Variants in MID1 observed in about 807,000 individuals in gnomAD.
The protein encoded by MID1 is midline 1.
In MID1, 7 loss-of-function variants were observed where a neutral mutation model predicts 40.4. The ratio of observed to expected loss-of-function variants is 0.17; its 90% CI spans 0.10 to 0.33. The LOEUF (loss-of-function observed/expected upper bound fraction) is 0.33. Among genes scored for constraint, MID1 ranks in the 10% least tolerant of loss-of-function variants. The probability of loss-of-function intolerance (pLI) is 1.00; values close to 1 mark genes in which losing one functional copy is unlikely to be tolerated. For synonymous variants in MID1, 229 were observed against 221.2 expected (o/e 1.04, Z -0.31); for missense variants, 367 against 558.5 (o/e 0.66, Z 3.46).
chrX:10,685,115 A>G (rs2043086055), intron 1 of MID1, among the ~76,000 whole-genome samples: 1 of 111,896 alleles, frequency 8.9e-6, no homozygotes, highest in Non-Finnish European at 1.9e-5. Flanking sequence ...TCTTTTTAAA[A>G]CTAAATATCA....
chrX:10,488,438 T>C (rs1238398384), intron 4 of MID1, among the ~76,000 whole-genome samples: 1 of 112,438 alleles, frequency 8.9e-6, no homozygotes, highest in Non-Finnish European at 1.9e-5. Context: ...TGAGAGGCTC[T>C]GGTTCCTTCA....
In MID1 at chrX:10,505,261, C is replaced by A. The variant is rs186929243; in HGVS notation, c.757-9570G>T. The A allele has an allele frequency of 5.1e-4, 300 of 582,538 alleles. 1 individual carries two copies. In the African/African-American group the frequency reaches 6.8e-3, roughly 13 times the overall value. 48.0% of individuals were successfully genotyped at this position (582,538 alleles called of 1,213,427 possible). ...GTCACAATTATAATAAATGTTACTCCTTCTGTAATGTTTTTCCTAGGCTAC... is the reference window on the plus strand; with the variant it reads ...GTCACAATTATAATAAATGTTACTCATTCTGTAATGTTTTTCCTAGGCTAC... On this transcript the variant is annotated intron_variant, in intron 3 of 9. Coordinates refer to ENST00000317552, the MANE Select transcript of MID1 (RefSeq NM_000381.4).
intron 1 of MID1, among the ~76,000 whole-genome samples, chrX:10,757,432 C>T (rs187029659): frequency 2.0e-4 from 22 of 111,941 alleles, no homozygotes; most frequent in African/African-American, 6.5e-4. Context: ...TTTTCCAAAG[C>T]GGGGTTTAAA....
At chrX:10,482,366 TG>T in intron 5 of MID1, 113 bp downstream of exon 5, 1 of 812,257 alleles carries the variant, frequency 1.2e-6, no homozygotes, top group Non-Finnish European at 1.8e-6. Context: ...CTATTCTCTC[TG>T]GTACTGAGCC....
At chrX:10,722,280 A>T in intron 1 of MID1, among the ~76,000 whole-genome samples, 1 of 112,138 alleles carries the variant, frequency 8.9e-6, no homozygotes, top group Non-Finnish European at 1.9e-5. Context: ...TATTATAAAG[A>T]CACGGCAAAT....
Position 10,723,934 on chromosome X carries a change from G to A in MID1, c.-186-103515C>T, listed in dbSNP as rs766414292. Among the ~76,000 whole-genome samples the A allele has an allele frequency of 2.7e-5, 3 of 112,662 alleles. No individual in the cohort carries two copies. In the East Asian group the frequency reaches 8.4e-4, roughly 31 times the overall value. On this transcript the variant is annotated intron_variant, in intron 1 of 10. Coordinates refer to the MID1 transcript ENST00000380785. ...TTAAAGTAGCTAAAAAATAACTAAA[G>A]GGCAGTAAAAGGAGACTGTAGCCAT...
intron 1 of MID1, among the ~76,000 whole-genome samples, chrX:10,626,505 G>C (rs1285404400): frequency 9.1e-6 from 1 of 109,922 alleles, no homozygotes; most frequent in Non-Finnish European, 1.9e-5. Flanking sequence ...ATGTCTGGTA[G>C]GCCTATGAAA....
chrX:10,767,722 T>G (rs2043740812), intron 1 of MID1, among the ~76,000 whole-genome samples: 1 of 112,039 alleles, frequency 8.9e-6, no homozygotes, highest in Admixed American at 9.5e-5. Flanking sequence ...ACTCTTTAAG[T>G]GACCTTTCAA....
intron 1 of MID1, among the ~76,000 whole-genome samples, chrX:10,743,461 C>T (rs886932838): frequency 9.8e-5 from 11 of 112,213 alleles, no homozygotes; most frequent in Admixed American, 9.5e-5. Context: ...AGAATTCTAG[C>T]CTTTGTTCCA....
chrX:10,521,885 G>A (rs868117034), intron 3 of MID1, among the ~76,000 whole-genome samples: 1 of 112,219 alleles, frequency 8.9e-6, no homozygotes, highest in South Asian at 3.8e-4. Context: ...TGTCGCCTAG[G>A]CTGGAGTGCA....
chrX:10,527,601 C>A (rs1224258157), intron 2 of MID1, among the ~76,000 whole-genome samples: 2 of 111,470 alleles, frequency 1.8e-5, no homozygotes, highest in Non-Finnish European at 3.8e-5. Context: ...TTCCTGCAAG[C>A]ACCTGTGCCT....
At chrX:10,688,518 C>T (rs2043113377) in intron 1 of MID1, among the ~76,000 whole-genome samples, 1 of 111,948 alleles carries the variant, frequency 8.9e-6, no homozygotes, top group African/African-American at 3.2e-5. Context: ...GGTACTCACA[C>T]CTAGACCATC....
chrX:10,469,846 G>A lies in MID1; in HGVS notation c.1142-6C>T, dbSNP rs1230006286. The A allele has an allele frequency of 8.3e-7, 1 of 1,209,110 alleles. No homozygotes were observed. The highest frequency in any genetic ancestry group is 2.2e-5 in the Admixed American group (1 of 45,942). On this transcript the variant is annotated splice_region_variant and splice_polypyrimidine_tract_variant and intron_variant, in intron 6 of 9. Transcript: ENST00000317552. Reference sequence around the variant, plus strand: ...AATTGTGGGAGGGTTGGGAGCTGTGGGGGTCAAGAATGCTTATCAGTGGAA... The same window carrying A: ...AATTGTGGGAGGGTTGGGAGCTGTGAGGGTCAAGAATGCTTATCAGTGGAA...
chrX:10,794,027 G>A (rs1387090223), intron 1 of MID1, among the ~76,000 whole-genome samples: 2 of 111,569 alleles, frequency 1.8e-5, no homozygotes, highest in Non-Finnish European at 3.8e-5. Context: ...TAGAATAGAA[G>A]CTGTATGAGA....
intron 1 of MID1, among the ~76,000 whole-genome samples, chrX:10,655,930 G>C (rs1307142490): frequency 1.8e-5 from 2 of 110,625 alleles, no homozygotes; most frequent in Non-Finnish European, 3.8e-5. Flanking sequence ...AGTGAGCCAA[G>C]CAGAAGAATT....
intron 1 of MID1, among the ~76,000 whole-genome samples, chrX:10,592,869 C>T (rs902439688): frequency 8.9e-6 from 1 of 112,002 alleles, no homozygotes; most frequent in African/African-American, 3.2e-5. Context: ...GTCCACTTTA[C>T]TTGCATAACT....
At chrX:10,693,158 A>G (rs985277438) in intron 1 of MID1, among the ~76,000 whole-genome samples, 3 of 110,719 alleles carry the variant, frequency 2.7e-5, no homozygotes, top group African/African-American at 9.9e-5. Context: ...TTGACTAAAC[A>G]CAATATATAC....
At chrX:10,722,555 G>T (rs777800166) in intron 1 of MID1, among the ~76,000 whole-genome samples, 9 of 112,022 alleles carry the variant, frequency 8.0e-5, no homozygotes, top group Non-Finnish European at 1.5e-4. Context: ...CATTTAAATT[G>T]CTGGGTTAAT....
chrX:10,753,676 C>T (rs1334142622), intron 1 of MID1, among the ~76,000 whole-genome samples: 3 of 111,052 alleles, frequency 2.7e-5, no homozygotes, highest in Non-Finnish European at 3.8e-5. Context: ...ATGACTAATT[C>T]GGAAACATTT....
Sources: gnomAD v4.1 joint callset for allele counts (sites outside exome capture counted in the v4.1 genomes callset) on GRCh38, gnomAD v4.1.1 for gene constraint, MANE v1.5 for transcripts, NCBI Gene and HGNC (gene_info 2026-07-23, HGNC 2026-07-21) for gene names.